TM9SF4: variants seen among roughly 807,000 people sequenced by gnomAD.
TM9SF4 encodes the protein dinucleotide oxidase disulfide thiol exchanger 3 superfamily member 4.
In TM9SF4, 26 loss-of-function variants were observed where a neutral mutation model predicts 90.4. That is an observed-to-expected ratio of 0.29 (90% confidence interval 0.21 to 0.40). The LOEUF (loss-of-function observed/expected upper bound fraction) is 0.40, where lower values mean the gene tolerates loss of function less well. Ranked by LOEUF, TM9SF4 falls within the 10% of genes least tolerant of loss-of-function variation. The pLI, the probability that TM9SF4 is intolerant of heterozygous loss-of-function variation, is 1.00. For missense variants in TM9SF4, 549 were observed against 834.8 expected, an observed-to-expected ratio of 0.66 and a Z score of 4.22; for synonymous variants, 293 against 315.4, an observed-to-expected ratio of 0.93 and a Z score of 0.75.
chr20:32,119,827 T>C (rs2046278802), intron 1 of TM9SF4, among the ~76,000 whole-genome samples: 1 of 152,176 alleles, frequency 6.6e-6, no homozygotes, highest in South Asian at 2.1e-4. Flanking sequence ...CTGTGATCCA[T>C]TTTGACTTAA....
At chr20:32,111,741 C>T (rs2046145174) in intron 1 of TM9SF4, among the ~76,000 whole-genome samples, 1 of 152,108 alleles carries the variant, frequency 6.6e-6, no homozygotes, top group Non-Finnish European at 1.5e-5. Flanking sequence ...AAGAAGGAAC[C>T]AGCCATGCAA....
chr20:32,115,338 G>A (rs142994339), intron 1 of TM9SF4, among the ~76,000 whole-genome samples: 261 of 152,284 alleles, frequency 1.7e-3, no homozygotes, highest in Non-Finnish European at 2.9e-3. Context: ...GAGAATGTTG[G>A]AGAAGGCTGA....
At chr20:32,129,305 T>C (rs2046474981) in intron 1 of TM9SF4, among the ~76,000 whole-genome samples, 1 of 151,942 alleles carries the variant, frequency 6.6e-6, no homozygotes, top group African/African-American at 2.4e-5. Context: ...CCAGCCTGGG[T>C]AATATAGGGA....
intron 1 of TM9SF4, 187 bp downstream of exon 1, chr20:32,109,942 T>C: frequency 1.4e-6 from 2 of 1,422,758 alleles, no homozygotes; most frequent in Non-Finnish European, 1.8e-6. Context: ...GCACTCAGGC[T>C]TGTGAAGGCC....
At chr20:32,131,555 G>A (rs2046513713) in intron 1 of TM9SF4, among the ~76,000 whole-genome samples, 1 of 151,870 alleles carries the variant, frequency 6.6e-6, no homozygotes, top group South Asian at 2.1e-4. Context: ...TAACTTGATG[G>A]ATGGGAGGGC....
Position 32,136,058 on chromosome 20 carries a change from G to T in TM9SF4, c.130-16G>T. 6.2e-7 allele frequency: 1 copy of T among 1,612,882 alleles called. No homozygotes were observed. The highest frequency in any genetic ancestry group is 8.5e-7 in the Non-Finnish European group (1 of 1,178,986). ...AGGATTATTGGTCATCTTGGTTTCT[G>T]CTGGATTCCCATCAGGCTGTGAAGC... On this transcript the variant is annotated splice_polypyrimidine_tract_variant and intron_variant, in intron 2 of 17. Transcript: ENST00000398022.
intron 13 of TM9SF4, among the ~76,000 whole-genome samples, chr20:32,156,457 C>T (rs891655817): frequency 6.6e-6 from 1 of 152,168 alleles, no homozygotes; most frequent in Non-Finnish European, 1.5e-5. Context: ...CAAGGATGCT[C>T]GAGTCCCATA....
intron 1 of TM9SF4, among the ~76,000 whole-genome samples, chr20:32,119,362 G>A (rs866437314): frequency 5.3e-5 from 8 of 152,274 alleles, no homozygotes; most frequent in South Asian, 4.1e-4. Flanking sequence ...TTGGGAGGCC[G>A]AGGCAAGCAG....
intron 10 of TM9SF4, among the ~76,000 whole-genome samples, chr20:32,150,395 A>G (rs1438831568): frequency 6.6e-6 from 1 of 152,244 alleles, no homozygotes; most frequent in African/African-American, 2.4e-5. Context: ...TTGGCCAGCC[A>G]AGGCCCAGCA....
Position 32,157,959 on chromosome 20 carries a change from C to A in TM9SF4, c.1495C>A (p.Arg499=). ...QIPEQRWYMN[R]FVGILMAGIL... ...CCCCGAGCAGCGGTGGTACATGAAC[C>A]GATTTGTGGGGTGAGTCCTCCAGCA... The change falls in exon 14 of 18, where the codon CGA becomes AGA. Residue 499 remains arginine (R), a synonymous_variant. Coordinates refer to ENST00000398022, the MANE Select transcript of TM9SF4 (RefSeq NM_014742.4). 1 of 1,614,068 alleles carries A rather than the reference C, an allele frequency of 6.2e-7. No homozygotes were observed. Among genetic ancestry groups the A allele is most frequent in the Non-Finnish European group, 8.5e-7 (1 of 1,180,004 alleles).
At chr20:32,119,524 A>G (rs915938472) in intron 1 of TM9SF4, among the ~76,000 whole-genome samples, 4 of 138,386 alleles carry the variant, frequency 2.9e-5, no homozygotes, top group Non-Finnish European at 6.3e-5. Context: ...TTTAAATCGG[A>G]TTGTCATTTT....
intron 13 of TM9SF4, among the ~76,000 whole-genome samples, chr20:32,156,366 C>T (rs1005058037): frequency 6.6e-6 from 1 of 152,166 alleles, no homozygotes; most frequent in African/African-American, 2.4e-5. Context: ...TAGGCCTTTC[C>T]AGGCACAAAT....
At chr20:32,162,787 TC>T (rs1251147192) in intron 17 of TM9SF4, among the ~76,000 whole-genome samples, 8 of 151,472 alleles carry the variant, frequency 5.3e-5, no homozygotes, top group African/African-American at 1.9e-4. Flanking sequence ...AAATCTAATC[TC>T]CCTCCTCTAT....
rs1229014593 is a variant in TM9SF4 at position 32,116,830 on chromosome 20, C to CT, written c.15+7089dup. On this transcript the variant is annotated intron_variant, in intron 1 of 17. Transcript: ENST00000398022. ...GGCAAACTGTGCCCAAAGCCTTTTT[C>CT]TTTTTTTTTTTTTTCCTCCTTTTTC... Among the ~76,000 whole-genome samples the CT allele has an allele frequency of 8.5e-3, 597 of 70,232 alleles. 5 individuals carry two copies. Among genetic ancestry groups the CT allele is most frequent in the African/African-American group, 0.017 (394 of 22,624 alleles). 46.1% of individuals were successfully genotyped at this position (70,232 alleles called of 152,430 possible).
At chr20:32,154,278 A>G (rs992498598) in intron 12 of TM9SF4, among the ~76,000 whole-genome samples, 1 of 151,582 alleles carries the variant, frequency 6.6e-6, no homozygotes, top group African/African-American at 2.4e-5. Context: ...CCTCCCAAGT[A>G]GCTGGGACCA....
chr20:32,136,007 G>A (rs890113147), intron 2 of TM9SF4, 67 bp from the exon 3 acceptor site: 106 of 1,384,782 alleles, frequency 7.7e-5, no homozygotes, highest in Admixed American at 8.5e-5. Context: ...ATTACCAAGT[G>A]TACTAAAGAT....
At chr20:32,126,106 C>CACACACAG (rs368553951) in intron 1 of TM9SF4, among the ~76,000 whole-genome samples, 4,395 of 148,558 alleles carry the variant, frequency 0.03, 94 homozygotes, top group Admixed American at 0.061. Context: ...CACACACACA[C>CACACACAG]AGTAGCCAGA....
At chr20:32,109,911 C>G (rs967307923) in intron 1 of TM9SF4, 156 bp downstream of exon 1, 8 of 1,475,210 alleles carry the variant, frequency 5.4e-6, no homozygotes, top group Non-Finnish European at 6.3e-6. Context: ...CCCCGAAATC[C>G]ACCTCCCTGG....
chr20:32,119,500 A>C (rs922833916), intron 1 of TM9SF4, among the ~76,000 whole-genome samples: 2 of 151,748 alleles, frequency 1.3e-5, no homozygotes, highest in East Asian at 3.9e-4. Flanking sequence ...TTCTGTACAA[A>C]TCTCTTGTCC....
Sources: allele counts gnomAD v4.1 joint callset (sites outside exome capture counted in the v4.1 genomes callset), GRCh38; gene constraint gnomAD v4.1.1; transcripts MANE v1.5; gene names NCBI Gene and HGNC (gene_info 2026-07-23, HGNC 2026-07-21).